Variants in HAPSTR1 observed in about 807,000 individuals in gnomAD.
HAPSTR1 encodes the protein HUWE1 associated protein modifying stress responses.
chr16:9,092,603 C>T, the HAPSTR1 span, among the ~76,000 whole-genome samples: 3 of 152,018 alleles, frequency 2.0e-5, no homozygotes, highest in South Asian at 2.1e-4. Flanking sequence ...CGAAGGGAGA[C>T]GGCGGGGCGG....
the HAPSTR1 span, chr16:9,107,254 A>G: frequency 6.6e-6 from 1 of 152,222 alleles, no homozygotes. Context: ...CATTCTCTAT[A>G]TGGCAGATTC....
chr16:9,094,447 T>A, the HAPSTR1 span, among the ~76,000 whole-genome samples: 1 of 152,150 alleles, frequency 6.6e-6, no homozygotes, highest in Non-Finnish European at 1.5e-5. Flanking sequence ...GGAGTGTAAT[T>A]TACATACAGT....
the HAPSTR1 span, chr16:9,117,025 A>C: frequency 6.9e-7 from 1 of 1,451,064 alleles, no homozygotes; most frequent in Non-Finnish European, 9.3e-7. Flanking sequence ...TGTTTAAGAC[A>C]AGTGAATTCT....
At chr16:9,102,563 G>T in the HAPSTR1 span, among the ~76,000 whole-genome samples, 4 of 152,312 alleles carry the variant, frequency 2.6e-5, no homozygotes, top group South Asian at 8.3e-4. Flanking sequence ...CCTTCAGCTT[G>T]TTCCTCATTC....
the HAPSTR1 span, chr16:9,103,461 T>C: frequency 5.3e-6 from 3 of 569,280 alleles, no homozygotes; most frequent in Non-Finnish European, 8.9e-6. Flanking sequence ...AAAATGTTTT[T>C]AGAAAGTTAG....
the HAPSTR1 span, among the ~76,000 whole-genome samples, chr16:9,113,519 T>C: frequency 6.6e-6 from 1 of 152,200 alleles, no homozygotes; most frequent in East Asian, 1.9e-4. Flanking sequence ...TGTTGTTAGG[T>C]ATTAAACGTG....
the HAPSTR1 span, chr16:9,092,880 T>C: frequency 4.0e-6 from 6 of 1,516,256 alleles, no homozygotes; most frequent in Non-Finnish European, 5.4e-6. Flanking sequence ...GTGTGTTTCT[T>C]TTTTCTTTTT....
chr16:9,096,612 A>G, the HAPSTR1 span, among the ~76,000 whole-genome samples: 1 of 152,232 alleles, frequency 6.6e-6, no homozygotes. Context: ...AATGGCCAGA[A>G]ATCATATTCT....
chr16:9,091,974 C>G, the HAPSTR1 span: 2 of 1,276,168 alleles, frequency 1.6e-6, no homozygotes, highest in South Asian at 2.0e-5. Context: ...TTGACGACGA[C>G]GCTCCCGCGG....
chr16:9,103,965 C>G, the HAPSTR1 span: 1 of 152,132 alleles, frequency 6.6e-6, no homozygotes, highest in Admixed American at 6.6e-5. Context: ...CCAAATAGAG[C>G]TGGGAGAGTT....
At chr16:9,096,288 A>G in the HAPSTR1 span, among the ~76,000 whole-genome samples, 2 of 152,230 alleles carry the variant, frequency 1.3e-5, no homozygotes, top group South Asian at 2.1e-4. Context: ...ATTTTTCTCA[A>G]TGTGGGCAGT....
chr16:9,115,623 G>C, the HAPSTR1 span, among the ~76,000 whole-genome samples: 1 of 152,082 alleles, frequency 6.6e-6, no homozygotes, highest in Non-Finnish European at 1.5e-5. Flanking sequence ...ATTCAGTAAA[G>C]TAACTCTTTT....
chr16:9,102,796 C>G, the HAPSTR1 span, among the ~76,000 whole-genome samples: 1 of 151,746 alleles, frequency 6.6e-6, no homozygotes. Context: ...TGAATTTAGA[C>G]CATTAAGATT....
chr16:9,109,217 A>T, the HAPSTR1 span: 1 of 152,164 alleles, frequency 6.6e-6, no homozygotes, highest in African/African-American at 2.4e-5. Context: ...GGAGAGATTC[A>T]GAGTTGCCCT....
chr16:9,100,417 AT>A, the HAPSTR1 span, among the ~76,000 whole-genome samples: 784 of 141,724 alleles, frequency 5.5e-3, no homozygotes, highest in African/African-American at 6.9e-3. Flanking sequence ...TTCACAGGAT[AT>A]TTTTTTTTTT....
chr16:9,092,791 A>G, the HAPSTR1 span: 1 of 1,007,456 alleles, frequency 9.9e-7, no homozygotes, highest in South Asian at 1.6e-5. Flanking sequence ...CCCTGAACAA[A>G]ATGGCGAAAC....
chr16:9,095,309 C>G, the HAPSTR1 span, among the ~76,000 whole-genome samples: 2 of 152,090 alleles, frequency 1.3e-5, no homozygotes, highest in Non-Finnish European at 2.9e-5. Flanking sequence ...AGGCATACAG[C>G]TGTAGGAATA....
the HAPSTR1 span, chr16:9,116,764 A>G: frequency 7.4e-6 from 12 of 1,614,204 alleles, no homozygotes; most frequent in Admixed American, 1.7e-5. Flanking sequence ...CGAAGGAGAA[A>G]TGGACTCCAT....
chr16:9,103,956 C>G, the HAPSTR1 span: 2 of 152,060 alleles, frequency 1.3e-5, no homozygotes, highest in African/African-American at 4.8e-5. Flanking sequence ...TACAGACTTC[C>G]AAATAGAGCT....
Sources: gnomAD v4.1 joint callset for allele counts (sites outside exome capture counted in the v4.1 genomes callset) on GRCh38, gnomAD v4.1.1 for gene constraint, MANE v1.5 for transcripts, NCBI Gene and HGNC (gene_info 2026-07-23, HGNC 2026-07-21) for gene names.